Variants in RNF13 observed in about 807,000 individuals in gnomAD.
RNF13 encodes the protein ring finger protein 13.
In RNF13, 19 loss-of-function variants were observed where a neutral mutation model predicts 37.7. The observed-to-expected ratio is 0.50, with a 90% CI of 0.35 to 0.74. The LOEUF (loss-of-function observed/expected upper bound fraction) is 0.74. RNF13 is among the 30% of genes least tolerant of loss of function. The probability of loss-of-function intolerance (pLI) is 0.01; values close to 1 mark genes in which losing one functional copy is unlikely to be tolerated. For synonymous variants in RNF13, 144 were observed against 157.8 expected, an observed-to-expected ratio of 0.91 and a Z score of 0.65; for missense variants, 375 against 453.0, an observed-to-expected ratio of 0.83 and a Z score of 1.56.
intron 6 of RNF13, among the ~76,000 whole-genome samples, chr3:149,907,460 A>T (rs1407665722): frequency 6.6e-6 from 1 of 152,206 alleles, no homozygotes; most frequent in Non-Finnish European, 1.5e-5. Flanking sequence ...ACTTTTAAAA[A>T]GGATGGTATA....
intron 1 of RNF13, among the ~76,000 whole-genome samples, chr3:149,833,577 G>A (rs1431292912): frequency 6.6e-6 from 1 of 152,130 alleles, no homozygotes; most frequent in Non-Finnish European, 1.5e-5. Flanking sequence ...ACTCTTTCAT[G>A]ATAAAACACC....
chr3:149,927,628 T>G (rs1718777829), intron 8 of RNF13, among the ~76,000 whole-genome samples: 1 of 152,196 alleles, frequency 6.6e-6, no homozygotes, highest in Admixed American at 6.5e-5. Context: ...AACACTTGTA[T>G]TCTGTTGTTT....
chr3:149,823,356 T>A (rs1720178824), intron 1 of RNF13, among the ~76,000 whole-genome samples: 1 of 152,168 alleles, frequency 6.6e-6, no homozygotes, highest in Non-Finnish European at 1.5e-5. Context: ...TTAGCTATTT[T>A]TGTCATTTAT....
In RNF13 at chr3:149,870,584, T is replaced by C. The variant is rs940888688; in HGVS notation, c.196-1445T>C. On this transcript the variant is annotated intron_variant, in intron 3 of 9. Transcript: ENST00000392894. Reference sequence around the variant, plus strand: ...ATTTCCTACACTATATGATTTAGCATTGGAGCAAAAACTTAGTGTTTGCAG... The same window carrying C: ...ATTTCCTACACTATATGATTTAGCACTGGAGCAAAAACTTAGTGTTTGCAG... Among the ~76,000 whole-genome samples the C allele has an allele frequency of 6.6e-5, 10 of 151,936 alleles. No homozygotes were observed. The East Asian group carries it at 1.7e-3, about 26-fold the overall frequency.
At chr3:149,922,880 G>A (rs541105402) in intron 8 of RNF13, among the ~76,000 whole-genome samples, 7 of 152,184 alleles carry the variant, frequency 4.6e-5, no homozygotes, top group African/African-American at 1.7e-4. Flanking sequence ...TGACCTTTTA[G>A]TGCAGATACC....
chr3:149,942,535 G>A (rs1165735629), intron 8 of RNF13, among the ~76,000 whole-genome samples: 2 of 151,876 alleles, frequency 1.3e-5, no homozygotes, highest in Non-Finnish European at 2.9e-5. Flanking sequence ...AATTTCCTTT[G>A]TGAATTGATT....
intron 8 of RNF13, among the ~76,000 whole-genome samples, chr3:149,957,252 C>A (rs1721954782): frequency 6.6e-6 from 1 of 152,126 alleles, no homozygotes. Context: ...CATTTTCTAC[C>A]ATTTTTAGTT....
In RNF13 at chr3:149,924,267, C is replaced by G. The variant is rs539424149; in HGVS notation, c.700+3040C>G. Among the ~76,000 whole-genome samples, 12 of 152,130 alleles carry G rather than the reference C, an allele frequency of 7.9e-5. No homozygotes were observed. The South Asian group carries it at 2.3e-3, about 29-fold the overall frequency. On this transcript the variant is annotated intron_variant, in intron 8 of 9. Coordinates refer to ENST00000392894, the MANE Select transcript of RNF13 (RefSeq NM_183381.3). ...GGGAAATTGGAAGATTGGTATTGAACATATGGAATTTCAGATGTCTATTAG... is the reference window on the plus strand; with the variant it reads ...GGGAAATTGGAAGATTGGTATTGAAGATATGGAATTTCAGATGTCTATTAG...
At chr3:149,923,764 CAAAAA>C (rs375634287) in intron 8 of RNF13, among the ~76,000 whole-genome samples, 3 of 55,002 alleles carry the variant, frequency 5.5e-5, no homozygotes, top group Non-Finnish European at 7.5e-5. Flanking sequence ...GACTCCATCT[CAAAAA>C]AAAAAAAAAA....
rs192805850 is a variant in RNF13 at position 149,845,165 on chromosome 3, C to G, written c.-16-846C>G. Among the ~76,000 whole-genome samples, 429 of 152,264 alleles carry G rather than the reference C, an allele frequency of 2.8e-3. 2 individuals carry two copies. Among genetic ancestry groups the G allele is most frequent in the African/African-American group, 9.9e-3 (410 of 41,558 alleles). On this transcript the variant is annotated intron_variant, in intron 1 of 9. Coordinates refer to ENST00000392894, the MANE Select transcript of RNF13 (RefSeq NM_183381.3). ...AGAGTTTGAGTCTATATGGCAGCTT[C>G]TATATCTAGAGCACTTATCCACACT...
At chr3:149,860,276 T>C (rs202002991) in intron 3 of RNF13, among the ~76,000 whole-genome samples, 1 of 106,946 alleles carries the variant, frequency 9.4e-6, no homozygotes, top group Non-Finnish European at 1.9e-5. Flanking sequence ...AAAAAATATA[T>C]ATATATATAT....
chr3:149,860,607 A>G (rs1357796872), intron 3 of RNF13, among the ~76,000 whole-genome samples: 1 of 152,140 alleles, frequency 6.6e-6, no homozygotes, highest in Admixed American at 6.6e-5. Context: ...CTGACCATAT[A>G]CAAAAATCAA....
At chr3:149,937,871 A>G (rs955200304) in intron 8 of RNF13, among the ~76,000 whole-genome samples, 6 of 152,088 alleles carry the variant, frequency 3.9e-5, no homozygotes, top group Non-Finnish European at 8.8e-5. Context: ...TGAATGTTCC[A>G]TGTGAGCTGG....
chr3:149,846,338 C>T (rs188252534), intron 2 of RNF13, among the ~76,000 whole-genome samples, 198 bp downstream of exon 2: 34 of 152,168 alleles, frequency 2.2e-4, no homozygotes, highest in African/African-American at 7.7e-4. Context: ...ATTTCATTCT[C>T]GTTGCCCAGG....
Position 149,852,574 on chromosome 3 carries a change from G to T in RNF13, c.173G>T (p.Arg58Ile). Residue 58 changes from arginine to isoleucine, a missense_variant, in exon 3 of 10, where the codon AGA becomes ATA. Arg to Ile is a moderately conservative substitution (Grantham distance 97). Transcript: ENST00000392894. ...FDDLPARFGY[R>I]LPAEGLKGFL... ...GACCTCCCTGCAAGATTTGGTTATA[G>T]ACTTCCAGCTGAAGGTTTAAAGGTA... The T allele has an allele frequency of 6.4e-7, 1 of 1,559,700 alleles. No individual in the cohort carries two copies. Among genetic ancestry groups the T allele is most frequent in the South Asian group, 1.2e-5 (1 of 82,956 alleles).
At position 149,846,087 on chromosome 3, in the gene RNF13, G is replaced by T. The variant is rs575763341; in HGVS notation, c.61G>T (p.Val21Phe). The T allele has an allele frequency of 6.2e-7, 1 of 1,613,170 alleles. No individual in the cohort carries two copies. The change falls in exon 2 of 10, where the codon GTC becomes TTC. Residue 21 changes from valine (V) to phenylalanine (F), a missense_variant. Coordinates refer to ENST00000392894, the MANE Select transcript of RNF13 (RefSeq NM_183381.3). ...SATQVYTILT[V>F]QLFAFLNLLP... ...CACACAAGTCTACACCATCTTGACT[G>T]TCCAGCTCTTTGCATTCTTAAACCT... is the stretch of plus-strand genomic sequence containing the variant.
At chr3:149,857,440 T>A (rs1368931199) in intron 3 of RNF13, among the ~76,000 whole-genome samples, 1 of 152,256 alleles carries the variant, frequency 6.6e-6, no homozygotes, top group Admixed American at 6.5e-5. Context: ...TATTTTTGTA[T>A]CTAGGTAAGT....
intron 2 of RNF13, among the ~76,000 whole-genome samples, chr3:149,850,948 T>A (rs1252248328): frequency 3.3e-5 from 5 of 152,190 alleles, no homozygotes; most frequent in African/African-American, 1.2e-4. Context: ...CAATGGGAAA[T>A]CACGCTGAAG....
rs1024846102 is a variant in RNF13, at chr3:149,961,291, A to G, written c.*187A>G. The G allele has an allele frequency of 1.5e-6, 1 of 683,194 alleles. No individual in the cohort carries two copies. Among genetic ancestry groups the G allele is most frequent in the African/African-American group, 1.8e-5 (1 of 55,674 alleles). 42.3% of individuals were successfully genotyped at this position (683,194 alleles called of 1,614,324 possible). Reference sequence around the variant, plus strand: ...TGCCAAGAATATACTTCATTCACTAATAATAGACTGGTGCTGTAACTCAAG... The same window carrying G: ...TGCCAAGAATATACTTCATTCACTAGTAATAGACTGGTGCTGTAACTCAAG... On this transcript the variant is annotated 3_prime_UTR_variant, in exon 10 of 10. Transcript: ENST00000392894.
Sources: gnomAD v4.1 joint callset for allele counts (sites outside exome capture counted in the v4.1 genomes callset) on GRCh38, gnomAD v4.1.1 for gene constraint, MANE v1.5 for transcripts, NCBI Gene and HGNC (gene_info 2026-07-23, HGNC 2026-07-21) for gene names.